The following PARD3B variants were observed in gnomAD, a reference collection of about 807,000 sequenced individuals.
The protein encoded by PARD3B is partitioning defective 3 homolog B.
PARD3B carries 103 observed loss-of-function variants against 130.2 expected under a neutral mutation model. That is an observed-to-expected ratio of 0.79 (90% CI 0.67 to 0.93). The LOEUF (loss-of-function observed/expected upper bound fraction) is 0.93, where lower values mean the gene tolerates loss of function less well. Among genes scored for constraint, PARD3B ranks in the 40% least tolerant of loss-of-function variants. PARD3B has a pLI of 0.00. For synonymous variants in PARD3B, 583 were observed against 553.2 expected (o/e 1.05, Z -0.76); for missense variants, 1,609 against 1,499.2 (o/e 1.07, Z -1.21).
intron 2 of PARD3B, among the ~76,000 whole-genome samples, chr2:204,963,498 G>T (rs911271206): frequency 6.6e-6 from 1 of 151,898 alleles, no homozygotes; most frequent in Non-Finnish European, 1.5e-5. Context: ...CTAGTTGATT[G>T]GTATGTTAAA....
Position 205,176,702 on chromosome 2 carries a change from G to A in PARD3B, c.1924+125G>A, listed in dbSNP as rs564374724. The A allele has an allele frequency of 2.7e-4, 295 of 1,084,522 alleles. No homozygotes were observed. In the East Asian group the frequency reaches 3.1e-3, roughly 11 times the overall value. 67.2% of individuals were successfully genotyped at this position (1,084,522 alleles called of 1,614,324 possible). A position where few individuals can be genotyped will look rare whatever the true frequency, so the allele number is the denominator to read the frequency against. On this transcript the variant is annotated intron_variant, in intron 13 of 22. Transcript: ENST00000406610. This position sits in a 1 kb window ranked among gnomAD's most constrained non-coding sequence, Gnocchi z 5.3. ...AGACTAAGTGCAGACTTTGTTACTC[G>A]GAGTCACAAACACTGAGAGAGTTGG...
intron 20 of PARD3B, among the ~76,000 whole-genome samples, chr2:205,474,895 G>T (rs1559128290): frequency 6.6e-6 from 1 of 152,042 alleles, no homozygotes; most frequent in Non-Finnish European, 1.5e-5. Flanking sequence ...TACTAGTGAG[G>T]TTAAGCATTT....
At chr2:205,436,592 A>G (rs917600288) in intron 19 of PARD3B, among the ~76,000 whole-genome samples, 1 of 151,014 alleles carries the variant, frequency 6.6e-6, no homozygotes, top group African/African-American at 2.4e-5. Flanking sequence ...AATTTTCTTT[A>G]AAAAAAAATC....
chr2:205,169,930 C>CTTTTTTTTTTTTTTTTTG (rs200935015), intron 11 of PARD3B, among the ~76,000 whole-genome samples: 1 of 126,640 alleles, frequency 7.9e-6, no homozygotes, highest in African/African-American at 2.9e-5. Context: ...TTCCCCCCAC[C>CTTTTTTTTTTTTTTTTTG]CTTTTTTTTT....
At position 205,592,534 on chromosome 2, in the gene PARD3B, C is replaced by T. The variant is rs890070463; in HGVS notation, c.3261-22922C>T. Among the ~76,000 whole-genome samples, 1 of 152,120 alleles carries T rather than the reference C, an allele frequency of 6.6e-6. No individual in the cohort carries two copies. Among genetic ancestry groups the T allele is most frequent in the African/African-American group, 2.4e-5 (1 of 41,422 alleles). ...CCTTACCATCACAGAGCTCACAGTT[C>T]GTTGGAGACACCAGAAAACAGGTGA... On this transcript the variant is annotated intron_variant, in intron 22 of 22. Transcript: ENST00000406610. The surrounding 1 kb of genome is among the most constrained non-coding windows in gnomAD (Gnocchi z 4.5).
rs2040968098 is a variant in PARD3B at position 205,276,827 on chromosome 2, C to G, written c.2186-23703C>G. Among the ~76,000 whole-genome samples the G allele has an allele frequency of 6.6e-6, 1 of 152,116 alleles. No individual in the cohort carries two copies. Among genetic ancestry groups the G allele is most frequent in the African/African-American group, 2.4e-5 (1 of 41,424 alleles). ...GTCAGACCTGGGTTTGAGTCCTGGCCCCATAGCTGGCTCTCTGTGTGACCC... is the reference window on the plus strand; with the variant it reads ...GTCAGACCTGGGTTTGAGTCCTGGCGCCATAGCTGGCTCTCTGTGTGACCC... On this transcript the variant is annotated intron_variant, in intron 16 of 22. Transcript: ENST00000406610. The surrounding 1 kb of genome is among the most constrained non-coding windows in gnomAD (Gnocchi z 5.0).
At chr2:205,170,259 C>G (rs1310563379) in intron 11 of PARD3B, among the ~76,000 whole-genome samples, 1 of 152,070 alleles carries the variant, frequency 6.6e-6, no homozygotes, top group Non-Finnish European at 1.5e-5. Flanking sequence ...TAGCCTTATG[C>G]TTTTTTGTGC....
At chr2:204,957,700 A>T (rs1690383384) in intron 2 of PARD3B, among the ~76,000 whole-genome samples, 1 of 152,136 alleles carries the variant, frequency 6.6e-6, no homozygotes, top group Non-Finnish European at 1.5e-5. Context: ...TAGCATAAAA[A>T]TTAGCTCACA....
At position 204,913,579 on chromosome 2, in the gene PARD3B, T is replaced by G. The variant is rs185491638; in HGVS notation, c.223-51573T>G. Among the ~76,000 whole-genome samples the G allele has an allele frequency of 2.9e-4, 44 of 152,264 alleles. 1 individual carries two copies. The East Asian group carries it at 7.0e-3, about 24-fold the overall frequency. The stretch of plus-strand genomic sequence containing the variant: ...ATGGTAGTTTGGTTTCAGTATTAGA[T>G]TATACTTCATTCCTTTTGATGTCAT... On this transcript the variant is annotated intron_variant, in intron 2 of 22. Coordinates refer to ENST00000406610, the MANE Select transcript of PARD3B (RefSeq NM_001302769.2).
At chr2:205,103,046 C>T (rs71427767) in intron 4 of PARD3B, among the ~76,000 whole-genome samples, 25,867 of 149,956 alleles carry the variant, frequency 0.17, 2,440 homozygotes, top group Middle Eastern at 0.29. Flanking sequence ...CCAGCCTGGG[C>T]GACAGAGCTC....
intron 2 of PARD3B, among the ~76,000 whole-genome samples, chr2:204,702,985 T>C (rs2037966253): frequency 6.6e-6 from 1 of 152,244 alleles, no homozygotes; most frequent in African/African-American, 2.4e-5. Context: ...ATATTCTTCA[T>C]GATTCCAATT....
chr2:205,399,633 G>A (rs866490242), intron 18 of PARD3B, among the ~76,000 whole-genome samples: 2 of 152,126 alleles, frequency 1.3e-5, no homozygotes, highest in Non-Finnish European at 2.9e-5. Flanking sequence ...GGGATTACAG[G>A]CGTGAGCCAC....
At chr2:205,157,492 A>T (rs879263213) in intron 10 of PARD3B, among the ~76,000 whole-genome samples, 4 of 152,120 alleles carry the variant, frequency 2.6e-5, no homozygotes, top group African/African-American at 4.8e-5. Context: ...GATTTTCTCT[A>T]TTTGGGGAGG....
intron 16 of PARD3B, among the ~76,000 whole-genome samples, chr2:205,261,389 G>C (rs1240466489): frequency 6.6e-6 from 1 of 152,130 alleles, no homozygotes; most frequent in African/African-American, 2.4e-5. Flanking sequence ...TTTGCAGAAT[G>C]AGTGAATGAA....
chr2:204,840,431 G>T (rs932746383), intron 2 of PARD3B, among the ~76,000 whole-genome samples: 1 of 151,992 alleles, frequency 6.6e-6, no homozygotes, highest in Non-Finnish European at 1.5e-5. Flanking sequence ...CTAGTAAAAA[G>T]GGACCCAGAA....
chr2:205,018,756 C>T (rs979138053), intron 3 of PARD3B, among the ~76,000 whole-genome samples: 1 of 73,332 alleles, frequency 1.4e-5, no homozygotes, highest in Admixed American at 1.6e-4. Flanking sequence ...AAAAAGCACG[C>T]TGATTAATAA....
In PARD3B at chr2:205,550,423, T is replaced by C. The variant is rs2052566265; in HGVS notation, c.3181-2901T>C. Among the ~76,000 whole-genome samples, 1 of 152,174 alleles carries C rather than the reference T, an allele frequency of 6.6e-6. No individual in the cohort carries two copies. The highest frequency in any genetic ancestry group is 2.4e-5 in the African/African-American group (1 of 41,454). ...AATGACTGCATTAATGATGTTGCAGTATCAATGGAGAAACATACAAAGATA... is the reference window on the plus strand; with the variant it reads ...AATGACTGCATTAATGATGTTGCAGCATCAATGGAGAAACATACAAAGATA... On this transcript the variant is annotated intron_variant, in intron 21 of 22. Transcript: ENST00000406610. This position sits in a 1 kb window ranked among gnomAD's most constrained non-coding sequence, Gnocchi z 4.5.
intron 20 of PARD3B, among the ~76,000 whole-genome samples, chr2:205,479,123 G>A (rs2049130023): frequency 6.6e-6 from 1 of 152,172 alleles, no homozygotes; most frequent in African/African-American, 2.4e-5. Flanking sequence ...TATATTTGTG[G>A]TGTTCAGCTT....
chr2:205,457,780 C>T (rs1238052416), intron 20 of PARD3B, among the ~76,000 whole-genome samples: 1 of 151,996 alleles, frequency 6.6e-6, no homozygotes, highest in African/African-American at 2.4e-5. Context: ...TGTCAGACAA[C>T]TTACTCCTTT....
Sources: allele counts gnomAD v4.1 joint callset (sites outside exome capture counted in the v4.1 genomes callset), GRCh38; gene constraint gnomAD v4.1.1; non-coding constraint Gnocchi (gnomAD v3.1); transcripts MANE v1.5; gene names NCBI Gene and HGNC (gene_info 2026-07-23, HGNC 2026-07-21).